The following RCOR3 variants were observed in gnomAD, a reference collection of about 807,000 sequenced individuals.
RCOR3 encodes the protein REST corepressor 3.
RCOR3 carries 13 observed loss-of-function variants against 64.1 expected under a neutral mutation model. That is an observed-to-expected ratio of 0.20 (90% CI 0.13 to 0.32). The LOEUF is 0.32. Among genes scored for constraint, RCOR3 ranks in the 10% least tolerant of loss-of-function variants. RCOR3 has a pLI of 1.00. For synonymous variants in RCOR3, 215 were observed against 239.0 expected (o/e 0.90, Z 0.93); for missense variants, 489 against 701.2 (o/e 0.70, Z 3.42).
intron 2 of RCOR3, chr1:211,267,907 T>G (rs999793249): frequency 1.7e-5 from 6 of 363,060 alleles, no homozygotes; most frequent in South Asian, 1.2e-4. Context: ...GCTGTTACCT[T>G]TTATGGGGAA....
At chr1:211,262,838 A>T (rs1291798412) in intron 2 of RCOR3, among the ~76,000 whole-genome samples, 3 of 147,752 alleles carry the variant, frequency 2.0e-5, no homozygotes, top group African/African-American at 7.5e-5. Context: ...TTTTTTTTGA[A>T]GAAGCTATTT....
chr1:211,260,263 C>T, intron 2 of RCOR3, 99 bp downstream of exon 2: 1 of 976,602 alleles, frequency 1.0e-6, no homozygotes, highest in Non-Finnish European at 1.6e-6. Context: ...GGAGGGGATG[C>T]GGGGTTGGGC....
At position 211,313,898 on chromosome 1, in the gene RCOR3, G is replaced by T; in HGVS notation, c.*130G>T. 1.2e-6 allele frequency: 1 copy of T among 866,914 alleles called. No homozygotes were observed. The allele number at this position is 866,914 out of a possible 1,614,324, so 53.7% of individuals were successfully genotyped here. A position where few individuals can be genotyped will look rare whatever the true frequency, so the allele number is the denominator to read the frequency against. On this transcript the variant is annotated 3_prime_UTR_variant, in exon 12 of 12. Coordinates refer to ENST00000419091, the MANE Select transcript of RCOR3 (RefSeq NM_001136223.3). The surrounding 1 kb of genome is among the most constrained non-coding windows in gnomAD (Gnocchi z 4.7). ...GCTGCGAACTAGTTCTGTGGCAGTG[G>T]ACTAGCATAAGTGGATGTCTAAGAA...
At chr1:211,271,173 A>C (rs1696134664) in intron 2 of RCOR3, 59 bp from the exon 3 acceptor site, 3 of 1,487,606 alleles carry the variant, frequency 2.0e-6, no homozygotes, top group Non-Finnish European at 2.8e-6. Context: ...CTTTGTTTCT[A>C]CTTATTTTCA....
Position 211,316,100 on chromosome 1 carries a change from TTA to T in RCOR3, c.*2335_*2336del, listed in dbSNP as rs1305012265. On this transcript the variant is annotated 3_prime_UTR_variant, in exon 12 of 12. Coordinates refer to ENST00000419091, the MANE Select transcript of RCOR3 (RefSeq NM_001136223.3). ...ACTGTGAAATTCGAAATAATGATTT[TTA>T]TAAAAGCAAAACTAGAAATCTTTTA... 23 of 152,314 alleles carry T rather than the reference TTA, an allele frequency of 1.5e-4. No homozygotes were observed. The highest frequency in any genetic ancestry group is 5.5e-4 in the African/African-American group (23 of 41,582). The allele number at this position is 152,314 out of a possible 1,614,324, so 9.4% of individuals were successfully genotyped here. A position where few individuals can be genotyped will look rare whatever the true frequency, so the allele number is the denominator to read the frequency against.
intron 7 of RCOR3, among the ~76,000 whole-genome samples, chr1:211,284,064 A>AT (rs1233592611): frequency 6.6e-6 from 1 of 150,648 alleles, no homozygotes; most frequent in Non-Finnish European, 1.5e-5. Flanking sequence ...TTATTTATTT[A>AT]TTTTTTTGAG....
chr1:211,312,965 T>G lies in RCOR3; in HGVS notation c.1317+4T>G, dbSNP rs1490308323. 6.2e-7 allele frequency: 1 copy of G among 1,614,030 alleles called. No homozygotes were observed. Among genetic ancestry groups the G allele is most frequent in the African/African-American group, 1.3e-5 (1 of 75,010 alleles). On this transcript the variant is annotated splice_donor_region_variant and intron_variant, in intron 11 of 11. Transcript: ENST00000419091. This position sits in a 1 kb window ranked among gnomAD's most constrained non-coding sequence, Gnocchi z 5.0. ...GAGCACTGATGAAGAAGAGGAGGTG[T>G]GTTTGTGTATGGAATTTGAGCTAAT...
Position 211,312,357 on chromosome 1 carries a change from G to T in RCOR3, c.1076-363G>T. ...CAAACGATGTTGCTCAAATTTAGGT[G>T]ACTGGCTACTAGGGAAATAAATGAA... On this transcript the variant is annotated intron_variant, in intron 10 of 11. Transcript: ENST00000419091. This position sits in a 1 kb window ranked among gnomAD's most constrained non-coding sequence, Gnocchi z 5.0. 2 of 465,462 alleles carry T rather than the reference G, an allele frequency of 4.3e-6. No homozygotes were observed. The highest frequency in any genetic ancestry group is 8.6e-6 in the Non-Finnish European group (2 of 233,318). 28.8% of individuals were successfully genotyped at this position (465,462 alleles called of 1,614,324 possible). A position where few individuals can be genotyped will look rare whatever the true frequency, so the allele number is the denominator to read the frequency against.
chr1:211,284,720 C>T (rs1698292255), intron 7 of RCOR3, among the ~76,000 whole-genome samples: 1 of 152,068 alleles, frequency 6.6e-6, no homozygotes, highest in South Asian at 2.1e-4. Flanking sequence ...TGGGGTCTTG[C>T]TACATTGTCC....
At chr1:211,264,927 A>AG (rs1694933220) in intron 2 of RCOR3, among the ~76,000 whole-genome samples, 1 of 152,184 alleles carries the variant, frequency 6.6e-6, no homozygotes, top group Non-Finnish European at 1.5e-5. Context: ...TTGTGTGTAG[A>AG]GGCTAATTTT....
rs780786947 is a variant in RCOR3 at position 211,313,524 on chromosome 1, C to T, written c.1418C>T (p.Pro473Leu). 5 of 1,614,172 alleles carry T rather than the reference C, an allele frequency of 3.1e-6. No homozygotes were observed. Among genetic ancestry groups the T allele is most frequent in the Non-Finnish European group, 4.2e-6 (5 of 1,180,018 alleles). Residue 473 changes from proline to leucine, a missense_variant, in exon 12 of 12, where the codon CCA becomes CTA. Transcript: ENST00000419091. This position sits in a 1 kb window ranked among gnomAD's most constrained non-coding sequence, Gnocchi z 4.7. Reference sequence around the variant, plus strand: ...CCTATTGCCACTCTGAACCAGCCTCCACCACTTCTTCGTCCAACACTGCCT... The same window carrying T: ...CCTATTGCCACTCTGAACCAGCCTCTACCACTTCTTCGTCCAACACTGCCT... Reference protein sequence around the residue: ...TAPIATLNQPPPLLRPTLPAA... With the variant: ...TAPIATLNQPLPLLRPTLPAA...
At chr1:211,272,913 G>A (rs532182112) in intron 3 of RCOR3, among the ~76,000 whole-genome samples, 2 of 152,168 alleles carry the variant, frequency 1.3e-5, no homozygotes, top group South Asian at 2.1e-4. Context: ...GAGCCACCGC[G>A]CCCGGCCTGG....
chr1:211,268,558 A>G (rs1695622290), intron 2 of RCOR3, among the ~76,000 whole-genome samples: 1 of 151,436 alleles, frequency 6.6e-6, no homozygotes, highest in African/African-American at 2.4e-5. Context: ...TGTATTTTTA[A>G]TAGAGATGAG....
Position 211,271,277 on chromosome 1 carries a change from G to A in RCOR3, c.269G>A (p.Trp90Ter), listed in dbSNP as rs766349188. The A allele has an allele frequency of 6.2e-7, 1 of 1,613,676 alleles. No homozygotes were observed. The change falls in exon 3 of 12, where the codon TGG becomes TAG. Residue 90 changes from tryptophan (W) to a stop codon, truncating the protein, a stop_gained. Coordinates refer to ENST00000419091, the MANE Select transcript of RCOR3 (RefSeq NM_001136223.3). LOFTEE classifies it high-confidence loss of function. The part of the protein sequence containing the change: ...TDKDNGGMLV[W>*]SPYHSIPDAK... ...AAAGACAATGGAGGGATGCTTGTAT[G>A]GTCTCCATATCACAGTATCCCAGAT...
At chr1:211,283,793 GC>G (rs1178501571) in intron 7 of RCOR3, among the ~76,000 whole-genome samples, 2 of 149,500 alleles carry the variant, frequency 1.3e-5, no homozygotes, top group African/African-American at 4.9e-5. Flanking sequence ...GCAGACGTGA[GC>G]CAGCATGCCT....
chr1:211,298,897 C>G (rs1700100842), intron 9 of RCOR3, among the ~76,000 whole-genome samples: 1 of 152,036 alleles, frequency 6.6e-6, no homozygotes, highest in Non-Finnish European at 1.5e-5. Flanking sequence ...GTCCCAGCTA[C>G]TCGGGAGGCT....
chr1:211,265,193 T>G (rs1477594472), intron 2 of RCOR3, among the ~76,000 whole-genome samples: 2 of 152,248 alleles, frequency 1.3e-5, no homozygotes, highest in African/African-American at 2.4e-5. Context: ...TTGAAAAATA[T>G]AATCTGTAGT....
rs1033926616 is a variant in RCOR3 at position 211,316,228 on chromosome 1, C to A, written c.*2460C>A. The A allele has an allele frequency of 6.6e-6, 1 of 152,088 alleles. No homozygotes were observed. Among genetic ancestry groups the A allele is most frequent in the African/African-American group, 2.4e-5 (1 of 41,422 alleles). 9.4% of individuals were successfully genotyped at this position (152,088 alleles called of 1,614,324 possible). A position where few individuals can be genotyped will look rare whatever the true frequency, so the allele number is the denominator to read the frequency against. On this transcript the variant is annotated 3_prime_UTR_variant, in exon 12 of 12. Coordinates refer to ENST00000419091, the MANE Select transcript of RCOR3 (RefSeq NM_001136223.3). Reference sequence around the variant, plus strand: ...CTAAAAATAAACCACACTGTGGATACATCTTATAAAACTAATGGAAACAAT... The same window carrying A: ...CTAAAAATAAACCACACTGTGGATAAATCTTATAAAACTAATGGAAACAAT...
chr1:211,300,796 A>G (rs1558100526), intron 9 of RCOR3, among the ~76,000 whole-genome samples: 1 of 152,212 alleles, frequency 6.6e-6, no homozygotes, highest in Admixed American at 6.5e-5. Flanking sequence ...TGTATGCCCC[A>G]CAATGAGCAG....
Sources: allele counts gnomAD v4.1 joint callset (sites outside exome capture counted in the v4.1 genomes callset), GRCh38; gene constraint gnomAD v4.1.1; non-coding constraint Gnocchi (gnomAD v3.1); transcripts MANE v1.5; gene names NCBI Gene and HGNC (gene_info 2026-07-23, HGNC 2026-07-21).